CORO6: variants seen among roughly 807,000 people sequenced by gnomAD.
The protein encoded by CORO6 is coronin 6.
CORO6 carries 43 observed loss-of-function variants against 49.0 expected under a neutral mutation model. That is an observed-to-expected ratio of 0.88 (90% CI 0.69 to 1.13). The LOEUF is 1.13. CORO6 is among the 50% of genes most tolerant of loss of function. The probability of loss-of-function intolerance (pLI) is 0.00; values close to 1 mark genes in which losing one functional copy is unlikely to be tolerated. For synonymous variants in CORO6, 233 were observed against 256.5 expected (o/e 0.91, Z 0.88); for missense variants, 650 against 647.0 (o/e 1.00, Z -0.05).
chr17:29,615,908 T>C (rs1463111680), intron 10 of CORO6, 37 bp downstream of exon 10: 1 of 1,583,062 alleles, frequency 6.3e-7, no homozygotes, highest in African/African-American at 1.4e-5. Flanking sequence ...TTGGGGGAGA[T>C]GTAGATTGGG....
Position 29,621,010 on chromosome 17 carries a change from G to T in CORO6, c.198+214C>A, listed in dbSNP as rs2150939950. ...AATGGGGTGGTGCATGGAGAGGTGG[G>T]AGGGCTAGGGAGTGGGAGTAAGCCA... On this transcript the variant is annotated intron_variant, in intron 2 of 10. Coordinates refer to ENST00000388767, the MANE Select transcript of CORO6 (RefSeq NM_032854.4). The surrounding 1 kb of genome is among the most constrained non-coding windows in gnomAD (Gnocchi z 4.2). 6.6e-6 allele frequency among the ~76,000 whole-genome samples: 1 copy of T among 152,228 alleles called. No individual in the cohort carries two copies. Among genetic ancestry groups the T allele is most frequent in the African/African-American group, 2.4e-5 (1 of 41,532 alleles).
chr17:29,619,975 CA>C (rs1474671147), intron 2 of CORO6, among the ~76,000 whole-genome samples: 1 of 152,200 alleles, frequency 6.6e-6, no homozygotes, highest in Non-Finnish European at 1.5e-5. Flanking sequence ...GACTGTGACA[CA>C]GAGAGGTAAG....
Position 29,618,933 on chromosome 17 carries a change from C to T in CORO6, c.490G>A (p.Gly164Arg), listed in dbSNP as rs372681638. The T allele has an allele frequency of 5.0e-6, 8 of 1,613,690 alleles. No individual in the cohort carries two copies. The highest frequency in any genetic ancestry group is 3.3e-5 in the South Asian group (3 of 91,086). The change falls in exon 5 of 11, where the codon GGG (glycine) becomes AGG (arginine). Residue 164 changes from glycine (G) to arginine (R), a missense_variant. Coordinates refer to ENST00000388767, the MANE Select transcript of CORO6 (RefSeq NM_032854.4). ...NVIIIWNVGT[G>R]EVLLSLDDMH... ...TCATCCAGGCTCAGCAGCACCTCCC[C>T]GGTGCCCACATTCCAGATGATGATC...
intron 5 of CORO6, chr17:29,618,571 GA>G (rs2035130463): frequency 1.4e-6 from 2 of 1,391,022 alleles, no homozygotes; most frequent in Admixed American, 3.1e-5. Context: ...AGATGCAAGG[GA>G]GGGGAGGGAA....
In CORO6 at chr17:29,616,558, G is replaced by T. The variant is rs1037413797; in HGVS notation, c.1004+144C>A. On this transcript the variant is annotated intron_variant, in intron 8 of 10. Coordinates refer to ENST00000388767, the MANE Select transcript of CORO6 (RefSeq NM_032854.4). This position sits in a 1 kb window ranked among gnomAD's most constrained non-coding sequence, Gnocchi z 5.6. ...GAGAATGTAAGGCTAGTGAGCGGTG[G>T]GTCTGGCACTGAAACAGAGCTGTCT... 6 of 1,092,124 alleles carry T rather than the reference G, an allele frequency of 5.5e-6. No homozygotes were observed. The Admixed American group carries it at 1.3e-4, about 24-fold the overall frequency. 67.7% of individuals were successfully genotyped at this position (1,092,124 alleles called of 1,614,324 possible).
chr17:29,617,317 G>C (rs2035020033), intron 6 of CORO6, 183 bp downstream of exon 6: 1 of 1,526,674 alleles, frequency 6.6e-7, no homozygotes. Context: ...GCCAGCGCAG[G>C]ATCCTTCACG....
At chr17:29,615,915 T>A (rs1598628623) in intron 10 of CORO6, 30 bp downstream of exon 10, 1 of 1,577,336 alleles carries the variant, frequency 6.3e-7, no homozygotes, top group African/African-American at 1.4e-5. Context: ...AGATGTAGAT[T>A]GGGCCAGAGT....
Position 29,621,183 on chromosome 17 carries a change from G to C in CORO6, c.198+41C>G. The C allele has an allele frequency of 6.2e-7, 1 of 1,611,896 alleles. No homozygotes were observed. Among genetic ancestry groups the C allele is most frequent in the Non-Finnish European group, 8.5e-7 (1 of 1,179,188 alleles). ...GGCTCAGGAGTTCCCAGGGGCCCCA[G>C]CTAGTGTCCTCCCACTTGCTTCCTT... On this transcript the variant is annotated intron_variant, in intron 2 of 10. Transcript: ENST00000388767. The surrounding 1 kb of genome is among the most constrained non-coding windows in gnomAD (Gnocchi z 4.2).
intron 5 of CORO6, chr17:29,618,580 G>A: frequency 7.1e-7 from 1 of 1,403,448 alleles, no homozygotes; most frequent in Non-Finnish European, 9.2e-7. Flanking sequence ...GGAGGGGAGG[G>A]AACAGGAGCC....
rs373096545 is a variant in CORO6, at chr17:29,619,015, C to A, written c.452-44G>T. ...CATGGTCACCTGGGTCCCACCTTTG[C>A]CACCACCCACCCATCTATGGGGGAC... On this transcript the variant is annotated intron_variant, in intron 4 of 10. Coordinates refer to ENST00000388767, the MANE Select transcript of CORO6 (RefSeq NM_032854.4). The A allele has an allele frequency of 1.9e-6, 3 of 1,611,600 alleles. No individual in the cohort carries two copies. In the African/African-American group the frequency reaches 4.0e-5, roughly 22 times the overall value.
In CORO6 at chr17:29,616,244, C is replaced by G; in HGVS notation, c.1062+35G>C. 1 of 1,610,834 alleles carries G rather than the reference C, an allele frequency of 6.2e-7. No individual in the cohort carries two copies. Among genetic ancestry groups the G allele is most frequent in the Non-Finnish European group, 8.5e-7 (1 of 1,178,470 alleles). On this transcript the variant is annotated intron_variant, in intron 9 of 10. Transcript: ENST00000388767. This position sits in a 1 kb window ranked among gnomAD's most constrained non-coding sequence, Gnocchi z 5.6. ...GGGCTTGCTCCGCTCCCTTCCGCCT[C>G]GTAGCCCTGCCCAACCCTTCTCCCG... is the stretch of plus-strand genomic sequence containing the variant.
chr17:29,618,138 G>A, intron 5 of CORO6: 1 of 1,403,624 alleles, frequency 7.1e-7, no homozygotes, highest in South Asian at 1.5e-5. Flanking sequence ...CCCGCAGCGG[G>A]CGGGCGCCCT....
chr17:29,615,717 G>T lies in CORO6; in HGVS notation c.*15C>A, dbSNP rs774773768. On this transcript the variant is annotated 3_prime_UTR_variant, in exon 11 of 11. Transcript: ENST00000388767. ...TTGTGCGCCCCGCCCCGCTCCGCCTGCCTGGCGCGCGGGGCTAGTCCGTGC... is the reference window on the plus strand; with the variant it reads ...TTGTGCGCCCCGCCCCGCTCCGCCTTCCTGGCGCGCGGGGCTAGTCCGTGC... 4.0e-6 allele frequency: 6 copies of T among 1,491,282 alleles called. No individual in the cohort carries two copies. Among genetic ancestry groups the T allele is most frequent in the Non-Finnish European group, 4.4e-6 (5 of 1,123,998 alleles). The allele number at this position is 1,491,282 out of a possible 1,614,324, so 92.4% of individuals were successfully genotyped here. A position where few individuals can be genotyped will look rare whatever the true frequency, so the allele number is the denominator to read the frequency against.
In CORO6 at chr17:29,621,891, A is replaced by G. The variant is rs1011764318; in HGVS notation, c.-63-407T>C. The G allele has an allele frequency of 2.2e-5, 4 of 184,314 alleles. No homozygotes were observed. Among genetic ancestry groups the G allele is most frequent in the African/African-American group, 9.3e-5 (4 of 42,836 alleles). 11.4% of individuals were successfully genotyped at this position (184,314 alleles called of 1,614,324 possible). On this transcript the variant is annotated intron_variant, in intron 1 of 10. Transcript: ENST00000388767. The surrounding 1 kb of genome is among the most constrained non-coding windows in gnomAD (Gnocchi z 4.2). ...AGACTTGACCATTGGATCTTGGCTTAAAGCCAGGTATGGGGCCAAGACTGC... is the reference window on the plus strand; with the variant it reads ...AGACTTGACCATTGGATCTTGGCTTGAAGCCAGGTATGGGGCCAAGACTGC...
chr17:29,617,732 CG>C (rs1326360984), intron 5 of CORO6, 113 bp from the exon 6 acceptor site: 1 of 1,184,480 alleles, frequency 8.4e-7, no homozygotes, highest in East Asian at 2.6e-5. Context: ...GGAGCGGATG[CG>C]GGGAAGAGAC....
chr17:29,615,908 T>G lies in CORO6; in HGVS notation c.1293+37A>C, dbSNP rs1463111680. On this transcript the variant is annotated intron_variant, in intron 10 of 10. Coordinates refer to ENST00000388767, the MANE Select transcript of CORO6 (RefSeq NM_032854.4). The stretch of plus-strand genomic sequence containing the variant: ...GTCGTATAGGGGCGGTTGGGGGAGA[T>G]GTAGATTGGGCCAGAGTGCAGCAGG... 2.5e-6 allele frequency: 4 copies of G among 1,582,946 alleles called. No homozygotes were observed. In the African/African-American group the frequency reaches 5.4e-5, roughly 21 times the overall value.
At position 29,617,545 on chromosome 17, in the gene CORO6, C is replaced by A; in HGVS notation, c.708G>T (p.Thr236=). 1 of 1,611,242 alleles carries A rather than the reference C, an allele frequency of 6.2e-7. No individual in the cohort carries two copies. Among genetic ancestry groups the A allele is most frequent in the East Asian group, 2.2e-5 (1 of 44,832 alleles). ...VFTRQGHIFT[T]GFTRMSQREL... ...CTCGCTGGCTCATGCGGGTGAAGCC[C>A]GTGGTGAAGATATGGCCCTGGCGCG... Residue 236 remains threonine, a synonymous_variant, in exon 6 of 11, where the codon ACG becomes ACT. Coordinates refer to ENST00000388767, the MANE Select transcript of CORO6 (RefSeq NM_032854.4).
chr17:29,618,996 C>A, intron 4 of CORO6, 25 bp from the exon 5 acceptor site: 2 of 1,612,724 alleles, frequency 1.2e-6, no homozygotes, highest in African/African-American at 1.3e-5. Context: ...CAGGCATGGT[C>A]ACCTGGGTCC....
chr17:29,621,488 C>CG lies in CORO6; in HGVS notation c.-63-5dup. On this transcript the variant is annotated splice_polypyrimidine_tract_variant and splice_region_variant and intron_variant, in intron 1 of 10. Transcript: ENST00000388767. This position sits in a 1 kb window ranked among gnomAD's most constrained non-coding sequence, Gnocchi z 4.2. ...CTTTGGTCCTTAGTCCTGTGAGCTG[C>CG]GGGAGGGAGGAGGAGTGGAGGGGTG... The CG allele has an allele frequency of 1.9e-6, 3 of 1,544,052 alleles. No individual in the cohort carries two copies. The highest frequency in any genetic ancestry group is 2.6e-6 in the Non-Finnish European group (3 of 1,140,906).
Sources: gnomAD v4.1 joint callset for allele counts (sites outside exome capture counted in the v4.1 genomes callset) on GRCh38, gnomAD v4.1.1 for gene constraint, Gnocchi (gnomAD v3.1) non-coding constraint, MANE v1.5 for transcripts, NCBI Gene and HGNC (gene_info 2026-07-23, HGNC 2026-07-21) for gene names.